MCM3AP: variants seen among roughly 807,000 people sequenced by gnomAD.
MCM3AP encodes the protein minichromosome maintenance complex component 3 associated protein.
MCM3AP carries 126 observed loss-of-function variants against 184.1 expected under a neutral mutation model. The ratio of observed to expected loss-of-function variants is 0.68; its 90% confidence interval spans 0.59 to 0.79. The LOEUF (loss-of-function observed/expected upper bound fraction) is 0.79, where lower values mean the gene tolerates loss of function less well. Among genes scored for constraint, MCM3AP ranks in the 30% least tolerant of loss-of-function variants. The probability of loss-of-function intolerance (pLI) is 0.00; values close to 1 mark genes in which losing one functional copy is unlikely to be tolerated. For missense variants in MCM3AP, 2,496 were observed against 2,479.2 expected, an observed-to-expected ratio of 1.01 and a Z score of -0.14; for synonymous variants, 1,002 against 979.3, an observed-to-expected ratio of 1.02 and a Z score of -0.43.
chr21:46,246,948 C>G (rs2123835238), intron 20 of MCM3AP, 62 bp from the exon 21 acceptor site: 1 of 1,566,052 alleles, frequency 6.4e-7, no homozygotes, highest in Non-Finnish European at 8.7e-7. Flanking sequence ...AGTGACTGAT[C>G]TGCCCCAGAG....
rs768066814 is a variant in MCM3AP at position 46,267,063 on chromosome 21, C to T, written c.2708G>A (p.Gly903Asp). The T allele has an allele frequency of 1.9e-6, 3 of 1,614,166 alleles. No homozygotes were observed. In the South Asian group the frequency reaches 3.3e-5, roughly 18 times the overall value. Residue 903 changes from glycine (G) to aspartate (D), a missense_variant, in exon 10 of 28, where the codon GGT (glycine) becomes GAT (aspartate). Coordinates refer to ENST00000291688, the MANE Select transcript of MCM3AP (RefSeq NM_003906.5). ...TCTGAACAGCAGCATGCGCACCACA[C>T]CATCCAGGGGAAAGATGGTAGATCG... is the stretch of plus-strand genomic sequence containing the variant. Reference protein sequence around the residue: ...TQRSTIFPLDGVVRMLLFRDC... With the variant: ...TQRSTIFPLDDVVRMLLFRDC...
At chr21:46,267,292 C>T in intron 9 of MCM3AP, 150 bp from the exon 10 acceptor site, 1 of 680,794 alleles carries the variant, frequency 1.5e-6, no homozygotes, top group Non-Finnish European at 2.5e-6. Context: ...ACACGGAACC[C>T]AAGCTTAGAG....
intron 12 of MCM3AP, 52 bp from the exon 13 acceptor site, chr21:46,264,269 AT>A (rs1315701742): frequency 8.6e-7 from 1 of 1,166,616 alleles, no homozygotes; most frequent in South Asian, 1.3e-5. Context: ...CAGGGCAGAA[AT>A]GCTGGGTAAC....
rs17176485 is a variant in MCM3AP at position 46,264,077 on chromosome 21, C to T, written c.3335+40G>A. On this transcript the variant is annotated intron_variant, in intron 13 of 27. Transcript: ENST00000291688. ...TTCTGGAGGACTGGGTGCAGCTCCCCGCAGCACGTAGCAGGAGGGGAGCAC... is the reference window on the plus strand; with the variant it reads ...TTCTGGAGGACTGGGTGCAGCTCCCTGCAGCACGTAGCAGGAGGGGAGCAC... 3.8e-4 allele frequency: 536 copies of T among 1,428,916 alleles called. 4 individuals carry two copies. In the East Asian group the frequency reaches 0.011, roughly 29 times the overall value. The allele number at this position is 1,428,916 out of a possible 1,614,324, so 88.5% of individuals were successfully genotyped here.
intron 19 of MCM3AP, chr21:46,251,889 T>C: frequency 2.7e-6 from 1 of 376,130 alleles, no homozygotes; most frequent in East Asian, 3.9e-5. Flanking sequence ...TTCTTTTTTT[T>C]TTTTTTTTTT....
intron 2 of MCM3AP, among the ~76,000 whole-genome samples, chr21:46,282,074 A>C (rs1008889347): frequency 6.6e-6 from 1 of 152,154 alleles, no homozygotes; most frequent in African/African-American, 2.4e-5. Context: ...AGGCTAAGGC[A>C]GGAGGACAGC....
rs760740772 is a variant in MCM3AP, at chr21:46,280,541, C to T, written c.1478G>A (p.Ser493Asn). Reference sequence around the variant, plus strand: ...AAAGATAGCCATGTCTTTATGCAAACTTTTCCCCTTCTTTCTAGCCAGGGC... The same window carrying T: ...AAAGATAGCCATGTCTTTATGCAAATTTTTCCCCTTCTTTCTAGCCAGGGC... ...SAALARKKGK[S>N]LHKDMAIFWH... is the part of the protein sequence containing the mutation. The change falls in exon 3 of 28, where the codon AGT becomes AAT. Residue 493 changes from serine (S) to asparagine (N), a missense_variant. Ser to Asn is a conservative substitution (Grantham distance 46). Transcript: ENST00000291688. 5.0e-6 allele frequency: 8 copies of T among 1,612,822 alleles called. No homozygotes were observed. The highest frequency in any genetic ancestry group is 1.1e-5 in the South Asian group (1 of 90,922).
Position 46,264,867 on chromosome 21 carries a change from G to C in MCM3AP, c.3234+454C>G, listed in dbSNP as rs188050517. Reference sequence around the variant, plus strand: ...ATCCCAGGTCACACCCATCAGTGGGGACACCCAACCCCAGGACATGCCCTT... The same window carrying C: ...ATCCCAGGTCACACCCATCAGTGGGCACACCCAACCCCAGGACATGCCCTT... On this transcript the variant is annotated intron_variant, in intron 12 of 27. Coordinates refer to ENST00000291688, the MANE Select transcript of MCM3AP (RefSeq NM_003906.5). 3.3e-5 allele frequency among the ~76,000 whole-genome samples: 5 copies of C among 150,144 alleles called. No homozygotes were observed. The East Asian group carries it at 7.9e-4, about 24-fold the overall frequency.
chr21:46,257,212 C>A (rs1289310747), intron 16 of MCM3AP, among the ~76,000 whole-genome samples: 1 of 152,182 alleles, frequency 6.6e-6, no homozygotes, highest in South Asian at 2.1e-4. Context: ...CAGTGGCTCA[C>A]GCCTGTAATC....
intron 15 of MCM3AP, 199 bp from the exon 16 acceptor site, chr21:46,259,290 C>T (rs1303399086): frequency 4.8e-6 from 2 of 418,996 alleles, no homozygotes; most frequent in African/African-American, 4.2e-5. Flanking sequence ...CCTGTCTCTA[C>T]TAAAAATACA....
chr21:46,256,559 A>C, intron 17 of MCM3AP: 4 of 573,788 alleles, frequency 7.0e-6, no homozygotes, highest in Non-Finnish European at 1.2e-5. Context: ...GAGTCTTTCA[A>C]GGTGAACTCA....
chr21:46,270,599 T>A, intron 8 of MCM3AP, 36 bp from the exon 9 acceptor site: 1 of 1,525,298 alleles, frequency 6.6e-7, no homozygotes, highest in East Asian at 2.3e-5. Context: ...GTTGGAATGT[T>A]ATTTTAAATA....
Position 46,277,521 on chromosome 21 carries a change from C to G in MCM3AP, c.1858+6G>C. ...CCCCTAGAACCTCTGCCACCAAGTG[C>G]CATACCTTGCCGCATGATCCTGTCT... is the stretch of plus-strand genomic sequence containing the variant. On this transcript the variant is annotated splice_donor_region_variant and intron_variant, in intron 5 of 27. Transcript: ENST00000291688. 6.4e-7 allele frequency: 1 copy of G among 1,559,004 alleles called. No individual in the cohort carries two copies. Among genetic ancestry groups the G allele is most frequent in the Non-Finnish European group, 8.7e-7 (1 of 1,152,126 alleles).
At chr21:46,256,368 G>A in intron 17 of MCM3AP, 1 of 175,360 alleles carries the variant, frequency 5.7e-6, no homozygotes, top group Non-Finnish European at 1.2e-5. Context: ...CCACAGAAAG[G>A]GGGCAGTGTG....
intron 5 of MCM3AP, among the ~76,000 whole-genome samples, chr21:46,275,883 A>G (rs2081248725): frequency 6.6e-6 from 1 of 152,242 alleles, no homozygotes; most frequent in Non-Finnish European, 1.5e-5. Context: ...TTAAGTTACA[A>G]TGTAGCTTGC....
At chr21:46,275,064 G>T in intron 6 of MCM3AP, 122 bp downstream of exon 6, 1 of 1,092,394 alleles carries the variant, frequency 9.2e-7, no homozygotes. Flanking sequence ...AGCTTAATAT[G>T]ATTGTTAATA....
intron 26 of MCM3AP, 82 bp downstream of exon 26, chr21:46,240,729 A>G (rs554500344): frequency 1.6e-6 from 2 of 1,259,874 alleles, no homozygotes; most frequent in African/African-American, 1.5e-5. Flanking sequence ...TGGCTGTCTT[A>G]TATTAATCAA....
At chr21:46,269,874 C>A (rs962385735) in intron 9 of MCM3AP, among the ~76,000 whole-genome samples, 2 of 152,148 alleles carry the variant, frequency 1.3e-5, no homozygotes, top group African/African-American at 4.8e-5. Context: ...GGAAGTGGAA[C>A]AAAATAACCG....
Position 46,268,724 on chromosome 21 carries a change from A to G in MCM3AP, c.2629-1582T>C, listed in dbSNP as rs575452930. Among the ~76,000 whole-genome samples, 5 of 152,344 alleles carry G rather than the reference A, an allele frequency of 3.3e-5. No individual in the cohort carries two copies. In the South Asian group the frequency reaches 1.0e-3, roughly 32 times the overall value. ...CGGTGAAGAGCTTTTCTAAAGAAAA[A>G]TACCCGAATATCTCTTTTGTTTAAA... On this transcript the variant is annotated intron_variant, in intron 9 of 27. Coordinates refer to ENST00000291688, the MANE Select transcript of MCM3AP (RefSeq NM_003906.5).
Sources: allele counts gnomAD v4.1 joint callset (sites outside exome capture counted in the v4.1 genomes callset), GRCh38; gene constraint gnomAD v4.1.1; transcripts MANE v1.5; gene names NCBI Gene and HGNC (gene_info 2026-07-23, HGNC 2026-07-21).